Variants in MINDY4 observed in about 807,000 individuals in gnomAD.
MINDY4 encodes the protein probable ubiquitin carboxyl-terminal hydrolase MINDY-4.
A neutral mutation model predicts 87.0 loss-of-function variants in MINDY4; 68 were observed. That is an observed-to-expected ratio of 0.78 (90% CI 0.64 to 0.96). The LOEUF (loss-of-function observed/expected upper bound fraction) is 0.96. MINDY4 is among the 40% of genes least tolerant of loss of function. MINDY4 has a pLI of 0.00. For missense variants in MINDY4, 919 were observed against 928.2 expected (o/e 0.99, Z 0.13); for synonymous variants, 379 against 363.2 (o/e 1.04, Z -0.50).
At chr7:30,846,431 T>C (rs1313579958) in intron 9 of MINDY4, among the ~76,000 whole-genome samples, 3 of 152,252 alleles carry the variant, frequency 2.0e-5, no homozygotes, top group Non-Finnish European at 2.9e-5. Context: ...GTCTTTTTCC[T>C]GCACTTCACC....
intron 15 of MINDY4, among the ~76,000 whole-genome samples, chr7:30,880,579 C>G (rs1279310498): frequency 6.6e-6 from 1 of 152,134 alleles, no homozygotes; most frequent in Non-Finnish European, 1.5e-5. Flanking sequence ...CTCTCCCTGC[C>G]GTGAATGAAT....
intron 9 of MINDY4, among the ~76,000 whole-genome samples, chr7:30,846,552 TG>T (rs1789224515): frequency 6.6e-6 from 1 of 152,208 alleles, no homozygotes; most frequent in Admixed American, 6.5e-5. Flanking sequence ...GTTTGTCACC[TG>T]GGTTCTGCCA....
intron 11 of MINDY4, among the ~76,000 whole-genome samples, chr7:30,852,675 C>CT (rs985695805): frequency 2.6e-5 from 4 of 152,136 alleles, no homozygotes; most frequent in Non-Finnish European, 5.9e-5. Flanking sequence ...TGGGGAGGAA[C>CT]TTTAATAGCA....
chr7:30,791,095 T>C, intron 4 of MINDY4, 70 bp from the exon 5 acceptor site: 2 of 1,420,092 alleles, frequency 1.4e-6, no homozygotes, highest in East Asian at 2.3e-5. Context: ...GGGCAAATGC[T>C]TGAAGTGGGA....
intron 1 of MINDY4, among the ~76,000 whole-genome samples, chr7:30,776,054 C>A (rs1426674853): frequency 6.6e-6 from 1 of 152,226 alleles, no homozygotes; most frequent in Non-Finnish European, 1.5e-5. Context: ...CACCTTGCTC[C>A]AAGCCACCCC....
At chr7:30,888,664 C>T (rs79093556) in intron 17 of MINDY4, among the ~76,000 whole-genome samples, 1,685 of 152,318 alleles carry the variant, frequency 0.011, 29 homozygotes, top group African/African-American at 0.038. Context: ...CGATTCGATT[C>T]GTCCCCTACA....
intron 5 of MINDY4, among the ~76,000 whole-genome samples, chr7:30,820,003 G>T (rs898999850): frequency 7.1e-6 from 1 of 139,924 alleles, no homozygotes; most frequent in Non-Finnish European, 1.5e-5. Context: ...CTGGGTTCAC[G>T]CCATTCTCCT....
chr7:30,888,976 G>T (rs556877269), intron 17 of MINDY4, among the ~76,000 whole-genome samples: 12 of 152,176 alleles, frequency 7.9e-5, no homozygotes, highest in Non-Finnish European at 1.2e-4. Flanking sequence ...TTTGTAACTT[G>T]GGAGCTCATA....
chr7:30,864,371 G>A (rs888086137), intron 13 of MINDY4, among the ~76,000 whole-genome samples: 1 of 152,242 alleles, frequency 6.6e-6, no homozygotes, highest in Non-Finnish European at 1.5e-5. Context: ...TGGTTGGAAA[G>A]ACAGTGACAG....
At chr7:30,833,067 A>G (rs919338621) in intron 6 of MINDY4, among the ~76,000 whole-genome samples, 2 of 152,134 alleles carry the variant, frequency 1.3e-5, no homozygotes, top group Non-Finnish European at 2.9e-5. Flanking sequence ...TCTACCCAGC[A>G]CCATGTTTTT....
chr7:30,840,695 G>T (rs544826405), intron 8 of MINDY4, 65 bp from the exon 9 acceptor site: 27 of 1,494,104 alleles, frequency 1.8e-5, no homozygotes, highest in Non-Finnish European at 2.5e-5. Context: ...GGGTGGGTTT[G>T]GGTGAAACCA....
intron 6 of MINDY4, among the ~76,000 whole-genome samples, chr7:30,831,555 A>G (rs1788701412): frequency 1.3e-5 from 2 of 152,160 alleles, no homozygotes; most frequent in Non-Finnish European, 2.9e-5. Context: ...CTGGACCGGC[A>G]TGGTGGGTGA....
chr7:30,874,055 G>A (rs905031733), intron 14 of MINDY4, among the ~76,000 whole-genome samples: 3 of 152,176 alleles, frequency 2.0e-5, no homozygotes, highest in African/African-American at 4.8e-5. Flanking sequence ...CGATTCAGGC[G>A]AAAACACCTC....
chr7:30,877,660 C>T (rs1790302778), intron 15 of MINDY4, among the ~76,000 whole-genome samples: 1 of 143,820 alleles, frequency 7.0e-6, no homozygotes, highest in Non-Finnish European at 1.5e-5. Context: ...AAGCCCTTCC[C>T]TCTTCTTCTT....
At chr7:30,847,333 T>C (rs1789252138) in intron 9 of MINDY4, among the ~76,000 whole-genome samples, 2 of 152,182 alleles carry the variant, frequency 1.3e-5, no homozygotes, top group African/African-American at 2.4e-5. Flanking sequence ...CTTGGAGACA[T>C]GGTGGTTCAA....
chr7:30,804,508 G>T (rs1404632050), intron 5 of MINDY4, among the ~76,000 whole-genome samples: 3 of 152,176 alleles, frequency 2.0e-5, no homozygotes, highest in African/African-American at 7.2e-5. Context: ...CCAAGAGGCT[G>T]AGACATCCCG....
At position 30,808,932 on chromosome 7, in the gene MINDY4, G is replaced by GGAGA. The variant is rs55961516; in HGVS notation, c.1073+17380_1073+17383dup. On this transcript the variant is annotated intron_variant, in intron 5 of 17. Coordinates refer to ENST00000265299, the MANE Select transcript of MINDY4 (RefSeq NM_032222.3). ...GACAGAGAGACAAAGAGGGAGTCAAGGAGAGAGAGAGAGAGAGAGAGAGAG... is the reference window on the plus strand; with the variant it reads ...GACAGAGAGACAAAGAGGGAGTCAAGGAGAGAGAGAGAGAGAGAGAGAGAGAGAG... 1.1e-3 allele frequency among the ~76,000 whole-genome samples: 163 copies of GGAGA among 145,196 alleles called. 1 individual carries two copies. The highest frequency in any genetic ancestry group is 1.8e-3 in the Non-Finnish European group (119 of 65,818).
chr7:30,786,163 G>T, intron 4 of MINDY4, 171 bp downstream of exon 4: 1 of 838,978 alleles, frequency 1.2e-6, no homozygotes, highest in Non-Finnish European at 1.8e-6. Flanking sequence ...TACTGTCAAT[G>T]ACACGTGGGG....
intron 17 of MINDY4, among the ~76,000 whole-genome samples, chr7:30,888,819 G>A (rs1286295163): frequency 6.6e-6 from 1 of 152,200 alleles, no homozygotes; most frequent in Non-Finnish European, 1.5e-5. Context: ...GGAGCGGGTT[G>A]GTTATGTCTG....
Sources: gnomAD v4.1 joint callset for allele counts (sites outside exome capture counted in the v4.1 genomes callset) on GRCh38, gnomAD v4.1.1 for gene constraint, MANE v1.5 for transcripts, NCBI Gene and HGNC (gene_info 2026-07-23, HGNC 2026-07-21) for gene names.